The following LRRC3B variants were observed in gnomAD, a reference collection of about 807,000 sequenced individuals.
LRRC3B encodes the protein leucine-rich repeat-containing protein 3B.
In LRRC3B, 2 loss-of-function variants were observed where a neutral mutation model predicts 12.8. The observed-to-expected ratio is 0.16, with a 90% CI of 0.06 to 0.49. The LOEUF (loss-of-function observed/expected upper bound fraction) is 0.49. LRRC3B is among the 20% of genes least tolerant of loss of function. The pLI, the probability that LRRC3B is intolerant of heterozygous loss-of-function variation, is 0.96. For synonymous variants in LRRC3B, 132 were observed against 122.0 expected, an observed-to-expected ratio of 1.08 and a Z score of -0.54; for missense variants, 189 against 319.4, an observed-to-expected ratio of 0.59 and a Z score of 3.11.
At chr3:26,643,440 A>T (rs953346138) in intron 1 of LRRC3B, among the ~76,000 whole-genome samples, 6 of 152,144 alleles carry the variant, frequency 3.9e-5, no homozygotes, top group African/African-American at 1.4e-4. Context: ...ATGTCAGCCC[A>T]GGGCTCAGCA....
intron 1 of LRRC3B, among the ~76,000 whole-genome samples, chr3:26,660,035 A>G (rs928860761): frequency 1.3e-5 from 2 of 152,098 alleles, no homozygotes; most frequent in African/African-American, 2.4e-5. Context: ...TAGAGTTTTA[A>G]TCTTCCAGCT....
chr3:26,636,493 A>T (rs1249472102), intron 1 of LRRC3B, among the ~76,000 whole-genome samples: 1 of 152,144 alleles, frequency 6.6e-6, no homozygotes, highest in African/African-American at 2.4e-5. Context: ...ATGAGTTCAG[A>T]ATGTGTGGGT....
At chr3:26,664,803 T>G (rs759002601) in intron 1 of LRRC3B, among the ~76,000 whole-genome samples, 5 of 152,086 alleles carry the variant, frequency 3.3e-5, no homozygotes, top group Non-Finnish European at 5.9e-5. Flanking sequence ...GGTTAAGGGA[T>G]GCTTTCCCTC....
At chr3:26,652,712 A>ATTT (rs1699290344) in intron 1 of LRRC3B, among the ~76,000 whole-genome samples, 6 of 150,394 alleles carry the variant, frequency 4.0e-5, no homozygotes, top group Non-Finnish European at 8.9e-5. Context: ...CTTTTTTTTA[A>ATTT]AAAAAAATCA....
At chr3:26,628,868 C>T (rs1383548451) in intron 1 of LRRC3B, among the ~76,000 whole-genome samples, 1 of 148,584 alleles carries the variant, frequency 6.7e-6, no homozygotes, top group East Asian at 2.0e-4. Context: ...AAAAAATCCT[C>T]CACAAATAAA....
At chr3:26,647,668 A>G (rs993770847) in intron 1 of LRRC3B, among the ~76,000 whole-genome samples, 1 of 152,206 alleles carries the variant, frequency 6.6e-6, no homozygotes, top group Non-Finnish European at 1.5e-5. Flanking sequence ...TTTCTGACAC[A>G]TGATTTAACG....
chr3:26,685,173 G>A (rs1172113270), intron 1 of LRRC3B, among the ~76,000 whole-genome samples: 14 of 151,942 alleles, frequency 9.2e-5, no homozygotes, highest in African/African-American at 1.2e-4. Flanking sequence ...GGCTGGTCTC[G>A]AACTCCCGAC....
At chr3:26,655,352 G>A (rs1049521794) in intron 1 of LRRC3B, among the ~76,000 whole-genome samples, 31 of 152,044 alleles carry the variant, frequency 2.0e-4, no homozygotes, top group African/African-American at 6.8e-4. Context: ...TCTCTCTTAC[G>A]CTCTGAAGCT....
chr3:26,667,920 TTTA>T (rs1158423114), intron 1 of LRRC3B, among the ~76,000 whole-genome samples: 1 of 151,826 alleles, frequency 6.6e-6, no homozygotes, highest in Non-Finnish European at 1.5e-5. Context: ...TTTATTTTAT[TTTA>T]TTTTTTTATT....
intron 1 of LRRC3B, among the ~76,000 whole-genome samples, chr3:26,650,842 A>C (rs967736796): frequency 5.9e-5 from 9 of 152,216 alleles, no homozygotes; most frequent in Non-Finnish European, 1.2e-4. Flanking sequence ...AGTGCATAAC[A>C]GTTCCAGATT....
intron 1 of LRRC3B, among the ~76,000 whole-genome samples, chr3:26,653,734 G>A (rs1699312508): frequency 6.6e-6 from 1 of 152,148 alleles, no homozygotes. Flanking sequence ...TTTTCACCAT[G>A]AATTATAATG....
At chr3:26,656,040 C>A (rs1235206554) in intron 1 of LRRC3B, among the ~76,000 whole-genome samples, 1 of 152,136 alleles carries the variant, frequency 6.6e-6, no homozygotes, top group Non-Finnish European at 1.5e-5. Context: ...TATTCTGCCT[C>A]CAACTGACTA....
At chr3:26,682,993 A>G (rs1293170181) in intron 1 of LRRC3B, among the ~76,000 whole-genome samples, 3 of 152,126 alleles carry the variant, frequency 2.0e-5, no homozygotes, top group Admixed American at 2.0e-4. Flanking sequence ...AATCCTATCT[A>G]TAGTTTTTAT....
At chr3:26,677,825 G>A (rs12487631) in intron 1 of LRRC3B, among the ~76,000 whole-genome samples, 16,288 of 151,794 alleles carry the variant, frequency 0.11, 1,061 homozygotes, top group South Asian at 0.21. Flanking sequence ...TTGTGAGACA[G>A]GGTCTCACTC....
chr3:26,697,107 A>C (rs1338235604), intron 1 of LRRC3B, among the ~76,000 whole-genome samples: 1 of 152,198 alleles, frequency 6.6e-6, no homozygotes, highest in Non-Finnish European at 1.5e-5. Context: ...TTCAAGTTCT[A>C]TTCTCCATTT....
At chr3:26,642,025 T>C (rs1699041166) in intron 1 of LRRC3B, among the ~76,000 whole-genome samples, 5 of 152,198 alleles carry the variant, frequency 3.3e-5, no homozygotes, top group Admixed American at 3.3e-4. Flanking sequence ...TGAAAAAAAT[T>C]ATGTTGTGCA....
At chr3:26,673,743 C>T (rs1035738405) in intron 1 of LRRC3B, among the ~76,000 whole-genome samples, 4 of 152,276 alleles carry the variant, frequency 2.6e-5, no homozygotes, top group African/African-American at 7.2e-5. Context: ...TCCTTACCTC[C>T]ACCTGCTGAA....
chr3:26,662,432 C>A (rs1699511134), intron 1 of LRRC3B, among the ~76,000 whole-genome samples: 1 of 152,012 alleles, frequency 6.6e-6, no homozygotes, highest in Non-Finnish European at 1.5e-5. Flanking sequence ...TTAAAGTGCC[C>A]CCATTCACCC....
chr3:26,707,719 TA>T (rs1346743680), intron 1 of LRRC3B, among the ~76,000 whole-genome samples: 1 of 152,218 alleles, frequency 6.6e-6, no homozygotes, highest in East Asian at 1.9e-4. Context: ...GCCCTTTTCC[TA>T]GAATTCGTTG....
Sources: allele counts gnomAD v4.1 joint callset (sites outside exome capture counted in the v4.1 genomes callset), GRCh38; gene constraint gnomAD v4.1.1; transcripts MANE v1.5; gene names NCBI Gene and HGNC (gene_info 2026-07-23, HGNC 2026-07-21).